The following CDCA2 variants were observed in gnomAD, a reference collection of about 807,000 sequenced individuals.
The protein encoded by CDCA2 is cell division cycle associated 2, also known as cell division cycle-associated protein 2.
Under a neutral mutation model 67.0 loss-of-function variants are expected in CDCA2, and 44 were observed. The ratio of observed to expected loss-of-function variants is 0.66; its 90% CI spans 0.52 to 0.84. CDCA2 has a LOEUF of 0.84. CDCA2 is among the 40% of genes least tolerant of loss of function. CDCA2 has a pLI of 0.00. For synonymous variants in CDCA2, 447 were observed against 418.7 expected (o/e 1.07, Z -0.82); for missense variants, 1,253 against 1,203.2 (o/e 1.04, Z -0.61).
chr8:25,465,272 C>G (rs1198038344), intron 4 of CDCA2, among the ~76,000 whole-genome samples: 1 of 152,196 alleles, frequency 6.6e-6, no homozygotes, highest in African/African-American at 2.4e-5. Flanking sequence ...CTGTGCCCAG[C>G]CTACTCTGTA....
chr8:25,482,031 C>T (rs182531622), intron 8 of CDCA2, among the ~76,000 whole-genome samples: 30 of 152,214 alleles, frequency 2.0e-4, no homozygotes, highest in Non-Finnish European at 2.6e-4. Context: ...AGGTTGAGGC[C>T]GGATGAGTAG....
chr8:25,498,453 A>ACCCCCTCCCCCCCC (rs1804328387), intron 13 of CDCA2, among the ~76,000 whole-genome samples: 1 of 76,612 alleles, frequency 1.3e-5, no homozygotes, highest in South Asian at 5.4e-4. Flanking sequence ...GGTAATCTGC[A>ACCCCCTCCCCCCCC]CCCCCCCCCC....
At chr8:25,466,583 A>G (rs1802910683) in intron 5 of CDCA2, among the ~76,000 whole-genome samples, 1 of 152,216 alleles carries the variant, frequency 6.6e-6, no homozygotes, top group Non-Finnish European at 1.5e-5. Flanking sequence ...TTAAAATGCC[A>G]GAGATAATTA....
chr8:25,468,988 G>A (rs1586472237), intron 6 of CDCA2, among the ~76,000 whole-genome samples: 1 of 152,314 alleles, frequency 6.6e-6, no homozygotes, highest in East Asian at 1.9e-4. Context: ...CCTAAACCCT[G>A]TCAAGACGAT....
rs1803521581 is a variant in CDCA2 at position 25,480,368 on chromosome 8, A to G, written c.1032+244A>G. 3.3e-5 allele frequency among the ~76,000 whole-genome samples: 5 copies of G among 152,258 alleles called. No individual in the cohort carries two copies. The South Asian group carries it at 1.0e-3, about 32-fold the overall frequency. Reference sequence around the variant, plus strand: ...ATTTAATGTAAGTAGACTGTAGTTTATAAAGGGTCATAATCTTACATAATC... The same window carrying G: ...ATTTAATGTAAGTAGACTGTAGTTTGTAAAGGGTCATAATCTTACATAATC... On this transcript the variant is annotated intron_variant, in intron 8 of 14. Coordinates refer to ENST00000330560, the MANE Select transcript of CDCA2 (RefSeq NM_152562.4).
At chr8:25,477,698 C>T (rs546764759) in intron 7 of CDCA2, among the ~76,000 whole-genome samples, 3 of 152,086 alleles carry the variant, frequency 2.0e-5, no homozygotes, top group Non-Finnish European at 2.9e-5. Flanking sequence ...AATAGTTGCC[C>T]GTGGCCTTTT....
chr8:25,464,759 C>T (rs1422288407), intron 4 of CDCA2, among the ~76,000 whole-genome samples: 1 of 152,152 alleles, frequency 6.6e-6, no homozygotes, highest in Non-Finnish European at 1.5e-5. Flanking sequence ...CATCTTTTCC[C>T]TGTCGTTCTG....
intron 13 of CDCA2, 29 bp from the exon 14 acceptor site, chr8:25,503,344 A>T: frequency 6.5e-7 from 1 of 1,540,616 alleles, no homozygotes; most frequent in East Asian, 2.2e-5. Flanking sequence ...CATCTTTCTC[A>T]ATTGCAATGT....
intron 8 of CDCA2, among the ~76,000 whole-genome samples, chr8:25,481,080 T>C (rs1050963999): frequency 6.6e-6 from 1 of 152,164 alleles, no homozygotes; most frequent in Non-Finnish European, 1.5e-5. Flanking sequence ...ACATGGATCA[T>C]TGATGGTCAA....
At position 25,506,877 on chromosome 8, in the gene CDCA2, A is replaced by G. The variant is rs755627750; in HGVS notation, c.2211A>G (p.Gln737=). ...PKPALTLQQG[Q]EFSAGGQNAE... Reference sequence around the variant, plus strand: ...CTGCTCTGACCCTGCAGCAGGGTCAAGAATTTTCTGCTGGTGGTCAAAATG... The same window carrying G: ...CTGCTCTGACCCTGCAGCAGGGTCAGGAATTTTCTGCTGGTGGTCAAAATG... Residue 737 remains glutamine, a synonymous_variant, in exon 15 of 15, where the codon CAA becomes CAG. Coordinates refer to ENST00000330560, the MANE Select transcript of CDCA2 (RefSeq NM_152562.4). The G allele has an allele frequency of 3.7e-6, 6 of 1,611,718 alleles. No homozygotes were observed. Among genetic ancestry groups the G allele is most frequent in the East Asian group, 2.2e-5 (1 of 44,842 alleles).
chr8:25,479,986 A>G lies in CDCA2; in HGVS notation c.894A>G (p.Glu298=). ...DAVSPDTFTA[E]VSSDAVPDVR... is the part of the protein sequence containing the mutation. ...TTTCGCCTGACACGTTCACAGCAGAAGTGAGCTCAGACGCAGTCCCTGATG... is the reference window on the plus strand; with the variant it reads ...TTTCGCCTGACACGTTCACAGCAGAGGTGAGCTCAGACGCAGTCCCTGATG... Residue 298 remains glutamate (E), a synonymous_variant, in exon 8 of 15, where the codon GAA becomes GAG. Coordinates refer to ENST00000330560, the MANE Select transcript of CDCA2 (RefSeq NM_152562.4). The G allele has an allele frequency of 6.2e-7, 1 of 1,614,176 alleles. No homozygotes were observed. The highest frequency in any genetic ancestry group is 8.5e-7 in the Non-Finnish European group (1 of 1,180,034).
intron 4 of CDCA2, among the ~76,000 whole-genome samples, chr8:25,464,089 C>T (rs762026635): frequency 6.6e-6 from 1 of 152,192 alleles, no homozygotes; most frequent in Non-Finnish European, 1.5e-5. Flanking sequence ...CCTGTAACTA[C>T]GTTTATATGT....
rs188710048 is a variant in CDCA2, at chr8:25,482,698, G to A, written c.1033-701G>A. Among the ~76,000 whole-genome samples the A allele has an allele frequency of 1.2e-3, 176 of 152,144 alleles. 4 individuals are homozygous for A. The East Asian group carries it at 0.018, about 15-fold the overall frequency. On this transcript the variant is annotated intron_variant, in intron 8 of 14. Transcript: ENST00000330560. ...TGCCTGGGCAACATGGCGAAACCTC[G>A]TCTCTACAAAAAAATACAAAAATTA...
intron 4 of CDCA2, among the ~76,000 whole-genome samples, chr8:25,464,193 C>T (rs1307972992): frequency 1.3e-5 from 2 of 152,142 alleles, no homozygotes; most frequent in Non-Finnish European, 2.9e-5. Flanking sequence ...GAGGGAGGAT[C>T]GTTCGAAGCC....
At chr8:25,462,233 C>A (rs116562172) in intron 4 of CDCA2, 25 bp downstream of exon 4, 14 of 1,608,734 alleles carry the variant, frequency 8.7e-6, no homozygotes, top group Admixed American at 5.0e-5. Flanking sequence ...TAAGTTCTGT[C>A]GTGAATTCCG....
chr8:25,460,675 A>C, intron 3 of CDCA2, 121 bp downstream of exon 3: 1 of 1,020,762 alleles, frequency 9.8e-7, no homozygotes, highest in East Asian at 2.6e-5. Context: ...CCTACTCTGC[A>C]AACTTGCTTC....
rs1215032375 is a variant in CDCA2, at chr8:25,507,528, C to T, written c.2862C>T (p.Val954=). The part of the protein sequence containing the change: ...SRQKPQMAPP[V]SDPENSQGPA... ...AAAAACCGCAGATGGCACCTCCCGT[C>T]TCAGATCCAGAAAACAGCCAGGGCC... Residue 954 remains valine (V), a synonymous_variant, in exon 15 of 15, where the codon GTC becomes GTT. Transcript: ENST00000330560. 1 of 1,614,000 alleles carries T rather than the reference C, an allele frequency of 6.2e-7. No individual in the cohort carries two copies. Among genetic ancestry groups the T allele is most frequent in the Non-Finnish European group, 8.5e-7 (1 of 1,179,992 alleles).
intron 13 of CDCA2, among the ~76,000 whole-genome samples, chr8:25,500,340 C>T (rs1334842172): frequency 2.0e-4 from 30 of 150,492 alleles, no homozygotes; most frequent in Non-Finnish European, 1.5e-5. Flanking sequence ...ACTGACCACA[C>T]TGGGTCTATG....
At chr8:25,472,684 A>C (rs1355539834) in intron 7 of CDCA2, among the ~76,000 whole-genome samples, 1 of 152,210 alleles carries the variant, frequency 6.6e-6, no homozygotes, top group African/African-American at 2.4e-5. Context: ...ATAGTGTGTC[A>C]TGTAATTGTT....
Sources: gnomAD v4.1 joint callset for allele counts (sites outside exome capture counted in the v4.1 genomes callset) on GRCh38, gnomAD v4.1.1 for gene constraint, MANE v1.5 for transcripts, NCBI Gene and HGNC (gene_info 2026-07-23, HGNC 2026-07-21) for gene names.